The following WDPCP variants were observed in gnomAD, a reference collection of about 807,000 sequenced individuals.
The protein encoded by WDPCP is WD repeat containing planar cell polarity effector.
A neutral mutation model predicts 93.1 loss-of-function variants in WDPCP; 71 were observed. The observed-to-expected ratio is 0.76, with a 90% CI of 0.63 to 0.93. WDPCP has a LOEUF of 0.93. Ranked by LOEUF, WDPCP falls within the 40% of genes least tolerant of loss-of-function variation. The pLI is 0.00. For missense variants in WDPCP, 844 were observed against 887.4 expected, an observed-to-expected ratio of 0.95 and a Z score of 0.62; for synonymous variants, 315 against 315.0, an observed-to-expected ratio of 1.00 and a Z score of 0.00.
intron 2 of WDPCP, among the ~76,000 whole-genome samples, chr2:63,729,627 A>G (rs1333796914): frequency 6.6e-6 from 1 of 152,122 alleles, no homozygotes; most frequent in Non-Finnish European, 1.5e-5. Flanking sequence ...ACAAAGCAAA[A>G]CAAAACAAAA....
intron 12 of WDPCP, among the ~76,000 whole-genome samples, chr2:63,338,569 AATATATATATATATATATATATAT>A (rs1159039677): frequency 6.9e-5 from 1 of 14,492 alleles, no homozygotes; most frequent in East Asian, 4.7e-3. Context: ...AAAAAAAAAA[AATATATATATATATATATATATAT>A]ATATATATAT....
chr2:63,153,703 A>C lies in WDPCP; in HGVS notation c.2079-129T>G, dbSNP rs950777946. The C allele has an allele frequency of 1.2e-5, 7 of 565,528 alleles. No individual in the cohort carries two copies. In the African/African-American group the frequency reaches 1.3e-4, roughly 11 times the overall value. The allele number at this position is 565,528 out of a possible 1,614,324, so 35.0% of individuals were successfully genotyped here. ...CTGGGTTAAAAAATGTAATTAAAAAATTTCTTTGGAAACTTTCAACAATAT... is the reference window on the plus strand; with the variant it reads ...CTGGGTTAAAAAATGTAATTAAAAACTTTCTTTGGAAACTTTCAACAATAT... On this transcript the variant is annotated intron_variant, in intron 15 of 17. Transcript: ENST00000272321.
chr2:63,491,595 T>C (rs974345718), intron 2 of WDPCP, among the ~76,000 whole-genome samples: 4 of 152,206 alleles, frequency 2.6e-5, no homozygotes, highest in Admixed American at 6.5e-5. Flanking sequence ...CCCATCAGTA[T>C]GTAGGCTTCC....
intron 11 of WDPCP, among the ~76,000 whole-genome samples, chr2:63,380,409 G>C (rs1692200928): frequency 6.6e-6 from 1 of 151,836 alleles, no homozygotes; most frequent in Non-Finnish European, 1.5e-5. Flanking sequence ...CGAAGTAGTG[G>C]GCCATGCACT....
chr2:63,564,277 T>C (rs1349171912), intron 1 of WDPCP: 1 of 152,232 alleles, frequency 6.6e-6, no homozygotes, highest in Non-Finnish European at 1.5e-5. Context: ...CTTGTAGCAT[T>C]TATACATTTA....
intron 13 of WDPCP, among the ~76,000 whole-genome samples, chr2:63,290,716 A>G (rs1020177089): frequency 6.6e-6 from 1 of 152,138 alleles, no homozygotes; most frequent in African/African-American, 2.4e-5. Context: ...TTTGTTTAGC[A>G]TGTTGATGAT....
intron 2 of WDPCP, among the ~76,000 whole-genome samples, chr2:63,759,009 G>A (rs1478245202): frequency 4.6e-5 from 7 of 151,716 alleles, no homozygotes; most frequent in African/African-American, 1.5e-4. Flanking sequence ...TCAAACTCCT[G>A]ACCTCAGGTG....
chr2:63,385,832 G>A (rs1402346290), intron 10 of WDPCP, among the ~76,000 whole-genome samples: 1 of 151,970 alleles, frequency 6.6e-6, no homozygotes, highest in Non-Finnish European at 1.5e-5. Context: ...AGGACTAACA[G>A]TACCTGATTT....
At chr2:63,554,701 T>C (rs115857369) in intron 1 of WDPCP, among the ~76,000 whole-genome samples, 473 of 152,234 alleles carry the variant, frequency 3.1e-3, no homozygotes, top group African/African-American at 0.011. Flanking sequence ...ATTATGAAAT[T>C]ATGCAAGTAT....
At chr2:63,676,706 CAG>C (rs886627919) in intron 2 of WDPCP, among the ~76,000 whole-genome samples, 1 of 152,066 alleles carries the variant, frequency 6.6e-6, no homozygotes, top group African/African-American at 2.4e-5. Flanking sequence ...AGGAATAACA[CAG>C]GGAGTGACGG....
At chr2:63,172,959 C>A (rs758569015) in intron 15 of WDPCP, among the ~76,000 whole-genome samples, 23 of 152,014 alleles carry the variant, frequency 1.5e-4, no homozygotes, top group Non-Finnish European at 2.6e-4. Context: ...AGAGGTCATA[C>A]AATCCCATCA....
chr2:63,513,827 C>A (rs1702390266), intron 1 of WDPCP, among the ~76,000 whole-genome samples: 1 of 152,164 alleles, frequency 6.6e-6, no homozygotes, highest in Non-Finnish European at 1.5e-5. Context: ...TTCATTGAAC[C>A]TAAGCATGAA....
upstream of WDPCP, chr2:63,589,192 T>G (rs544242614): frequency 2.4e-4 from 382 of 1,600,246 alleles, no homozygotes; most frequent in Non-Finnish European, 3.0e-4. Flanking sequence ...CTTCTGGGGA[T>G]TGCCGCAGTG....
chr2:63,614,576 C>A (rs550981440), intron 3 of WDPCP, among the ~76,000 whole-genome samples: 106 of 152,290 alleles, frequency 7.0e-4, no homozygotes, highest in African/African-American at 2.4e-3. Context: ...CTGACCTTCT[C>A]TTATCCTCTT....
intron 9 of WDPCP, among the ~76,000 whole-genome samples, chr2:63,423,190 G>A (rs1053177976): frequency 1.3e-5 from 2 of 152,046 alleles, no homozygotes; most frequent in Admixed American, 1.3e-4. Flanking sequence ...TATTTTGTGT[G>A]GTTTTATGTG....
chr2:63,443,484 G>C (rs1386280336), intron 6 of WDPCP, among the ~76,000 whole-genome samples: 2 of 152,180 alleles, frequency 1.3e-5, no homozygotes, highest in East Asian at 3.8e-4. Context: ...GTGGCAATGT[G>C]CCTAGGCTGA....
chr2:63,785,878 A>G (rs1173655064), intron 2 of WDPCP, among the ~76,000 whole-genome samples: 1 of 152,238 alleles, frequency 6.6e-6, no homozygotes, highest in Non-Finnish European at 1.5e-5. Flanking sequence ...AACAACTGAT[A>G]CATTTTTACT....
chr2:63,214,310 G>C (rs774226430), intron 14 of WDPCP, among the ~76,000 whole-genome samples: 1 of 152,240 alleles, frequency 6.6e-6, no homozygotes, highest in East Asian at 1.9e-4. Flanking sequence ...ATGCAAGGCT[G>C]GTTCATTATA....
intron 6 of WDPCP, among the ~76,000 whole-genome samples, chr2:63,445,714 C>T (rs1165738007): frequency 2.6e-5 from 4 of 151,824 alleles, no homozygotes; most frequent in Non-Finnish European, 4.4e-5. Context: ...AAACAAGGTC[C>T]GAAAGTAGAT....
Sources: allele counts gnomAD v4.1 joint callset (sites outside exome capture counted in the v4.1 genomes callset), GRCh38; gene constraint gnomAD v4.1.1; transcripts MANE v1.5; gene names NCBI Gene and HGNC (gene_info 2026-07-23, HGNC 2026-07-21).